Variants in SAMD13 observed in about 807,000 individuals in gnomAD.
SAMD13 encodes sterile alpha motif domain containing 13.
A neutral mutation model predicts 12.4 loss-of-function variants in SAMD13; 9 were observed. That is an observed-to-expected ratio of 0.72 (90% CI 0.44 to 1.26). SAMD13 has a LOEUF of 1.26. Ranked by LOEUF, SAMD13 falls within the 50% of genes most tolerant of loss-of-function variation. The pLI is 0.00. For synonymous variants in SAMD13, 46 were observed against 45.4 expected, an observed-to-expected ratio of 1.01 and a Z score of -0.05; for missense variants, 84 against 119.6, an observed-to-expected ratio of 0.70 and a Z score of 1.39.
At chr1:84,330,675 G>T (rs980334467) in intron 3 of SAMD13, among the ~76,000 whole-genome samples, 3 of 152,116 alleles carry the variant, frequency 2.0e-5, no homozygotes, top group Non-Finnish European at 4.4e-5. Context: ...CTAATTGCAA[G>T]TCACAAAGAC....
intron 2 of SAMD13, among the ~76,000 whole-genome samples, chr1:84,322,091 C>CGTA (rs888656814): frequency 1.3e-5 from 2 of 152,138 alleles, no homozygotes; most frequent in African/African-American, 4.8e-5. Context: ...CCCTCCCTTA[C>CGTA]GTAAATACGT....
chr1:84,343,839 C>T (rs1433785334), intron 3 of SAMD13, among the ~76,000 whole-genome samples: 1 of 151,984 alleles, frequency 6.6e-6, no homozygotes, highest in Non-Finnish European at 1.5e-5. Flanking sequence ...GCACATCCTG[C>T]ACATGTACTT....
intron 2 of SAMD13, among the ~76,000 whole-genome samples, chr1:84,322,344 A>T (rs374871140): frequency 3.3e-5 from 5 of 152,190 alleles, no homozygotes; most frequent in Non-Finnish European, 7.3e-5. Context: ...CCGGAATCCA[A>T]TCCTAGCTTT....
intron 3 of SAMD13, among the ~76,000 whole-genome samples, chr1:84,348,313 C>T (rs1679575177): frequency 6.6e-6 from 1 of 152,172 alleles, no homozygotes; most frequent in African/African-American, 2.4e-5. Flanking sequence ...ACTCAAAGCA[C>T]ATTTCCTTCC....
upstream of SAMD13, chr1:84,298,666 C>A: frequency 1.8e-6 from 2 of 1,126,452 alleles, no homozygotes; most frequent in Non-Finnish European, 2.3e-6. Context: ...GAAAACCGCT[C>A]TGCCCTCCCA....
chr1:84,321,456 G>A (rs1002949030), intron 2 of SAMD13, among the ~76,000 whole-genome samples: 24 of 151,954 alleles, frequency 1.6e-4, no homozygotes, highest in African/African-American at 4.8e-4. Context: ...TTGCTATGAC[G>A]TTAGTGAATA....
At chr1:84,331,910 C>G (rs1377880009) in intron 3 of SAMD13, among the ~76,000 whole-genome samples, 3 of 151,964 alleles carry the variant, frequency 2.0e-5, no homozygotes, top group African/African-American at 7.2e-5. Context: ...CAAGTAGGCC[C>G]CAGTGTCTAT....
At chr1:84,320,951 A>G (rs1296733969) in intron 2 of SAMD13, among the ~76,000 whole-genome samples, 1 of 152,214 alleles carries the variant, frequency 6.6e-6, no homozygotes, top group Non-Finnish European at 1.5e-5. Flanking sequence ...CATAAATACC[A>G]TAAAATGTAC....
At chr1:84,307,823 C>T (rs1020036808) in intron 2 of SAMD13, among the ~76,000 whole-genome samples, 1 of 152,068 alleles carries the variant, frequency 6.6e-6, no homozygotes, top group Non-Finnish European at 1.5e-5. Flanking sequence ...TTTTTATGCT[C>T]CTGAATTGAG....
At chr1:84,299,182 A>T (rs1444278462), upstream of SAMD13, among the ~76,000 whole-genome samples, 2 of 151,966 alleles carry the variant, frequency 1.3e-5, no homozygotes, top group South Asian at 2.1e-4. Flanking sequence ...CCCGGGAGGC[A>T]GGGCCGGCGG....
chr1:84,307,185 A>G (rs1177378259), intron 2 of SAMD13, among the ~76,000 whole-genome samples: 1 of 152,160 alleles, frequency 6.6e-6, no homozygotes, highest in Non-Finnish European at 1.5e-5. Context: ...GGATTTGACC[A>G]CTTGATATTG....
chr1:84,340,068 G>C (rs1679390846), intron 3 of SAMD13, among the ~76,000 whole-genome samples: 1 of 152,130 alleles, frequency 6.6e-6, no homozygotes, highest in Admixed American at 6.5e-5. Flanking sequence ...TTTACTGTAG[G>C]ACCCAGCAAT....
At chr1:84,317,112 T>C (rs1243616402) in intron 2 of SAMD13, among the ~76,000 whole-genome samples, 1 of 152,136 alleles carries the variant, frequency 6.6e-6, no homozygotes, top group African/African-American at 2.4e-5. Context: ...GTGGAATCTT[T>C]AGGGTTTTCT....
intron 3 of SAMD13, chr1:84,344,720 T>C (rs931834593): frequency 1.7e-5 from 6 of 362,210 alleles, no homozygotes; most frequent in African/African-American, 1.3e-4. Context: ...TCAAAATGCT[T>C]CCTCCCCTGA....
chr1:84,324,918 T>G (rs1679023090), intron 2 of SAMD13, among the ~76,000 whole-genome samples: 1 of 152,162 alleles, frequency 6.6e-6, no homozygotes, highest in African/African-American at 2.4e-5. Flanking sequence ...TGGGTTAAGT[T>G]CCTAAGTACA....
intron 2 of SAMD13, among the ~76,000 whole-genome samples, chr1:84,306,713 C>T (rs1469966260): frequency 6.7e-6 from 1 of 148,628 alleles, no homozygotes; most frequent in Non-Finnish European, 1.5e-5. Flanking sequence ...TGCCTGTAAT[C>T]CCAGCTACTC....
rs114496573 is a variant in SAMD13, at chr1:84,327,713, C to T, written c.165+1965C>T. The stretch of plus-strand genomic sequence containing the variant: ...ACAAGTCAATTTAAAATGCATCAAA[C>T]ATATGCATTGGCAATTAAATAGAAG... On this transcript the variant is annotated intron_variant, in intron 3 of 3. Coordinates refer to ENST00000394834, the MANE Select transcript of SAMD13 (RefSeq NM_001134663.2). 3.5e-3 allele frequency among the ~76,000 whole-genome samples: 527 copies of T among 152,200 alleles called. 5 individuals are homozygous for T. The highest frequency in any genetic ancestry group is 0.011 in the African/African-American group (477 of 41,520).
rs546632199 is a variant in SAMD13 at position 84,319,905 on chromosome 1, T to G, written c.54-5732T>G. 7.9e-5 allele frequency among the ~76,000 whole-genome samples: 12 copies of G among 152,320 alleles called. No individual in the cohort carries two copies. The East Asian group carries it at 1.3e-3, about 17-fold the overall frequency. On this transcript the variant is annotated intron_variant, in intron 2 of 3. Transcript: ENST00000394834. ...CTGGAGTGCCTGCTCCTAGTCTTACTGGTGACCCAGGGCTCCAAAGCCTTT... is the reference window on the plus strand; with the variant it reads ...CTGGAGTGCCTGCTCCTAGTCTTACGGGTGACCCAGGGCTCCAAAGCCTTT...
intron 2 of SAMD13, among the ~76,000 whole-genome samples, chr1:84,322,336 G>A (rs982861347): frequency 4.6e-5 from 7 of 152,116 alleles, no homozygotes; most frequent in South Asian, 2.1e-4. Context: ...AAGCATATCC[G>A]GAATCCAATC....
Sources: gnomAD v4.1 joint callset for allele counts (sites outside exome capture counted in the v4.1 genomes callset) on GRCh38, gnomAD v4.1.1 for gene constraint, MANE v1.5 for transcripts, NCBI Gene and HGNC (gene_info 2026-07-23, HGNC 2026-07-21) for gene names.